ABLIM1: variants seen among roughly 807,000 people sequenced by gnomAD.
ABLIM1 encodes actin-binding LIM protein 1.
In ABLIM1, 40 loss-of-function variants were observed where a neutral mutation model predicts 107.0. The ratio of observed to expected loss-of-function variants is 0.37; its 90% CI spans 0.29 to 0.49. The LOEUF is 0.49. Among genes scored for constraint, ABLIM1 ranks in the 20% least tolerant of loss-of-function variants. The pLI, the probability that ABLIM1 is intolerant of heterozygous loss-of-function variation, is 0.97. For synonymous variants in ABLIM1, 357 were observed against 357.3 expected (o/e 1.00, Z 0.01); for missense variants, 857 against 1,008.5 (o/e 0.85, Z 2.04).
the ABLIM1 span, among the ~76,000 whole-genome samples, chr10:114,801,261 A>T: frequency 3.9e-5 from 6 of 152,310 alleles, no homozygotes; most frequent in Admixed American, 3.9e-4. Flanking sequence ...TAAAAAAAAA[A>T]TTTAAAACCA....
At chr10:114,714,229 TG>T (rs1191964965) in intron 1 of ABLIM1, among the ~76,000 whole-genome samples, 3 of 152,178 alleles carry the variant, frequency 2.0e-5, no homozygotes, top group Non-Finnish European at 4.4e-5. Flanking sequence ...AATCATCCAT[TG>T]GGGACCTCAG....
intron 1 of ABLIM1, among the ~76,000 whole-genome samples, chr10:114,759,681 A>G (rs2082702974): frequency 6.6e-6 from 1 of 152,186 alleles, no homozygotes; most frequent in Non-Finnish European, 1.5e-5. Flanking sequence ...TTTGAGGTAG[A>G]TAATCTACAA....
chr10:114,438,541 G>A (rs752326534), intron 21 of ABLIM1, among the ~76,000 whole-genome samples: 5 of 152,206 alleles, frequency 3.3e-5, no homozygotes, highest in Non-Finnish European at 5.9e-5. Flanking sequence ...GATTACAGGC[G>A]TAAGCCACTG....
chr10:114,513,989 G>A (rs138814059), intron 6 of ABLIM1, among the ~76,000 whole-genome samples: 2 of 152,260 alleles, frequency 1.3e-5, no homozygotes, highest in East Asian at 3.9e-4. Context: ...AGGAATAACT[G>A]CATCTGTCCT....
At chr10:114,764,187 A>G (rs2082824310) in intron 1 of ABLIM1, among the ~76,000 whole-genome samples, 1 of 152,236 alleles carries the variant, frequency 6.6e-6, no homozygotes. Context: ...AAAATACAAC[A>G]CCAAGTTACA....
chr10:114,576,662 T>C (rs1427821145), intron 2 of ABLIM1, among the ~76,000 whole-genome samples: 1 of 152,142 alleles, frequency 6.6e-6, no homozygotes, highest in Non-Finnish European at 1.5e-5. Flanking sequence ...CTGATGAAAG[T>C]CACGACTCCC....
At chr10:114,748,659 C>CT (rs1290803247) in intron 1 of ABLIM1, among the ~76,000 whole-genome samples, 133 of 121,538 alleles carry the variant, frequency 1.1e-3, no homozygotes, top group South Asian at 1.8e-3. Flanking sequence ...TTTTTTTTTT[C>CT]TTTTTTTTTT....
chr10:114,604,580 C>T (rs546825737), intron 1 of ABLIM1, among the ~76,000 whole-genome samples: 2 of 152,320 alleles, frequency 1.3e-5, no homozygotes, highest in Admixed American at 6.5e-5. Context: ...CAGGCATCTA[C>T]CTTTTTAGTA....
chr10:114,659,044 C>T (rs571398068), upstream of ABLIM1, among the ~76,000 whole-genome samples: 1 of 152,324 alleles, frequency 6.6e-6, no homozygotes, highest in African/African-American at 2.4e-5. Context: ...TGACCGTCTA[C>T]AACCATACAA....
upstream of ABLIM1, chr10:114,658,299 CCTT>C: frequency 6.6e-7 from 1 of 1,508,386 alleles, no homozygotes; most frequent in South Asian, 1.4e-5. Context: ...CTTACTGTCT[CCTT>C]TTCTCACTGC....
At chr10:114,590,163 A>G (rs771032033) in intron 2 of ABLIM1, among the ~76,000 whole-genome samples, 1 of 152,134 alleles carries the variant, frequency 6.6e-6, no homozygotes, top group Non-Finnish European at 1.5e-5. Flanking sequence ...AGGCTACACC[A>G]TATGGCCTAG....
intron 4 of ABLIM1, among the ~76,000 whole-genome samples, chr10:114,560,465 C>T (rs986293702): frequency 6.6e-6 from 1 of 152,210 alleles, no homozygotes; most frequent in African/African-American, 2.4e-5. Flanking sequence ...AAGCACAATA[C>T]CTTACCCTTT....
intron 6 of ABLIM1, among the ~76,000 whole-genome samples, chr10:114,502,795 A>G (rs930246522): frequency 1.3e-5 from 2 of 152,218 alleles, no homozygotes; most frequent in African/African-American, 4.8e-5. Context: ...GCATTGAGAA[A>G]AATGCACAAA....
chr10:114,545,217 A>C (rs2067167391), intron 5 of ABLIM1, 119 bp from the exon 6 acceptor site: 1 of 859,530 alleles, frequency 1.2e-6, no homozygotes, highest in Admixed American at 2.0e-5. Context: ...TCCCCTGCCC[A>C]GTGTTCACAT....
chr10:114,451,809 T>C, intron 13 of ABLIM1, 138 bp from the exon 14 acceptor site: 2 of 748,786 alleles, frequency 2.7e-6, no homozygotes, highest in African/African-American at 1.8e-5. Context: ...ATTACAAAGA[T>C]TGAGTTTATT....
intron 1 of ABLIM1, among the ~76,000 whole-genome samples, chr10:114,720,002 C>T (rs1303077028): frequency 6.6e-6 from 1 of 152,158 alleles, no homozygotes; most frequent in Non-Finnish European, 1.5e-5. Context: ...CATGTATTAG[C>T]TATTTTTCCT....
chr10:114,761,986 C>CTCTT (rs1328322645), intron 1 of ABLIM1, among the ~76,000 whole-genome samples: 1 of 141,124 alleles, frequency 7.1e-6, no homozygotes, highest in East Asian at 2.0e-4. Context: ...CCCATATGCT[C>CTCTT]TCTCTCTCTC....
At chr10:114,451,513 C>A (rs886639668) in intron 14 of ABLIM1, 111 bp downstream of exon 14, 258 of 971,726 alleles carry the variant, frequency 2.7e-4, no homozygotes, top group Non-Finnish European at 2.7e-4. Flanking sequence ...ATGCTGGATG[C>A]CCCAGTTTTA....
intron 1 of ABLIM1, among the ~76,000 whole-genome samples, chr10:114,654,858 T>C (rs1449687325): frequency 6.6e-6 from 1 of 152,190 alleles, no homozygotes; most frequent in Non-Finnish European, 1.5e-5. Context: ...CCAGGAGTCA[T>C]GCCAATGGGT....
Sources: allele counts gnomAD v4.1 joint callset (sites outside exome capture counted in the v4.1 genomes callset), GRCh38; gene constraint gnomAD v4.1.1; transcripts MANE v1.5; gene names NCBI Gene and HGNC (gene_info 2026-07-23, HGNC 2026-07-21).